The following DCC variants were observed in gnomAD, a reference collection of about 807,000 sequenced individuals.
DCC encodes the protein netrin receptor DCC.
In DCC, 58 loss-of-function variants were observed where a neutral mutation model predicts 172.5. That is an observed-to-expected ratio of 0.34 (90% CI 0.27 to 0.42). The LOEUF (loss-of-function observed/expected upper bound fraction) is 0.42. Ranked by LOEUF, DCC falls within the 10% of genes least tolerant of loss-of-function variation. The pLI, the probability that DCC is intolerant of heterozygous loss-of-function variation, is 1.00. For synonymous variants in DCC, 709 were observed against 644.5 expected (o/e 1.10, Z -1.52); for missense variants, 1,740 against 1,791.0 (o/e 0.97, Z 0.51).
chr18:52,811,670 G>T (rs143715526), intron 2 of DCC, among the ~76,000 whole-genome samples: 6 of 152,042 alleles, frequency 3.9e-5, no homozygotes, highest in African/African-American at 1.4e-4. Flanking sequence ...AACATAAAAA[G>T]AATTGATATT....
intron 1 of DCC, among the ~76,000 whole-genome samples, chr18:52,564,267 T>G (rs1204970982): frequency 1.3e-5 from 2 of 152,136 alleles, no homozygotes; most frequent in Non-Finnish European, 2.9e-5. Flanking sequence ...ATGTGCATAT[T>G]ATTTGCTTTA....
At chr18:52,382,024 T>C (rs920203374) in intron 1 of DCC, among the ~76,000 whole-genome samples, 3 of 152,128 alleles carry the variant, frequency 2.0e-5, no homozygotes, top group Non-Finnish European at 4.4e-5. Flanking sequence ...TCACATATCT[T>C]TGGATGAGGA....
intron 2 of DCC, among the ~76,000 whole-genome samples, chr18:52,842,937 A>C (rs1220743478): frequency 6.6e-6 from 1 of 152,306 alleles, no homozygotes; most frequent in South Asian, 2.1e-4. Context: ...AAGAGAAGCA[A>C]GTTCGGAGAA....
intron 2 of DCC, among the ~76,000 whole-genome samples, chr18:52,768,160 T>C (rs552224863): frequency 6.6e-6 from 1 of 152,234 alleles, no homozygotes; most frequent in Non-Finnish European, 1.5e-5. Context: ...ACATTTTCAT[T>C]GTAAACTCTA....
At chr18:52,520,347 C>A (rs191482002) in intron 1 of DCC, among the ~76,000 whole-genome samples, 1 of 152,212 alleles carries the variant, frequency 6.6e-6, no homozygotes, top group Admixed American at 6.5e-5. Flanking sequence ...CTGCTATAAT[C>A]AGTAAATCCA....
At chr18:52,989,121 T>C (rs563578196) in intron 5 of DCC, among the ~76,000 whole-genome samples, 5 of 152,116 alleles carry the variant, frequency 3.3e-5, no homozygotes, top group Non-Finnish European at 7.4e-5. Flanking sequence ...AGAGAATAGT[T>C]TAATTCATAC....
At chr18:52,515,726 A>G (rs2031616762) in intron 1 of DCC, among the ~76,000 whole-genome samples, 2 of 150,884 alleles carry the variant, frequency 1.3e-5, no homozygotes, top group Non-Finnish European at 3.0e-5. Context: ...AGAACAATGC[A>G]TAAAAGGAAA....
At chr18:52,495,610 A>G (rs908497792) in intron 1 of DCC, among the ~76,000 whole-genome samples, 2 of 152,010 alleles carry the variant, frequency 1.3e-5, no homozygotes, top group Non-Finnish European at 2.9e-5. Context: ...TATATAGGCT[A>G]CTCCATCTTG....
chr18:52,392,282 A>T (rs1986058098), intron 1 of DCC, among the ~76,000 whole-genome samples: 1 of 152,088 alleles, frequency 6.6e-6, no homozygotes, highest in Non-Finnish European at 1.5e-5. Flanking sequence ...AATAACAGAA[A>T]ATCCTCTATC....
At chr18:53,158,320 A>G (rs2054780150) in intron 8 of DCC, among the ~76,000 whole-genome samples, 1 of 152,172 alleles carries the variant, frequency 6.6e-6, no homozygotes, top group South Asian at 2.1e-4. Context: ...ATTACAATCC[A>G]TTGCATTTTT....
chr18:52,521,123 T>C (rs1262867222), intron 1 of DCC, among the ~76,000 whole-genome samples: 1 of 152,192 alleles, frequency 6.6e-6, no homozygotes, highest in East Asian at 1.9e-4. Context: ...TTTGCATGTG[T>C]ACATTCAGAC....
At chr18:53,035,630 A>G (rs779480701) in intron 5 of DCC, among the ~76,000 whole-genome samples, 30 of 152,156 alleles carry the variant, frequency 2.0e-4, no homozygotes, top group Non-Finnish European at 3.8e-4. Context: ...CTTAAAGAGG[A>G]ACATTATAGC....
At chr18:53,440,208 C>T (rs1449556951) in intron 22 of DCC, among the ~76,000 whole-genome samples, 1 of 152,176 alleles carries the variant, frequency 6.6e-6, no homozygotes, top group Non-Finnish European at 1.5e-5. Context: ...ACATAATCCT[C>T]CCTTTCTGAT....
intron 3 of DCC, among the ~76,000 whole-genome samples, chr18:52,906,800 T>C (rs574350135): frequency 6.6e-6 from 1 of 151,968 alleles, no homozygotes; most frequent in South Asian, 2.1e-4. Context: ...CATATATCTA[T>C]AGTTCAATAT....
At chr18:52,436,679 G>T (rs1029411020) in intron 1 of DCC, among the ~76,000 whole-genome samples, 1 of 152,196 alleles carries the variant, frequency 6.6e-6, no homozygotes, top group Non-Finnish European at 1.5e-5. Flanking sequence ...AGGCTGAGGT[G>T]GGTGGATCAC....
intron 12 of DCC, among the ~76,000 whole-genome samples, chr18:53,269,500 A>C (rs1186076000): frequency 6.6e-6 from 1 of 152,154 alleles, no homozygotes; most frequent in Admixed American, 6.5e-5. Context: ...GGGGAAAATT[A>C]TTCTCCTGCA....
At chr18:53,255,810 C>T (rs1398308587) in intron 12 of DCC, among the ~76,000 whole-genome samples, 3 of 152,162 alleles carry the variant, frequency 2.0e-5, no homozygotes, top group African/African-American at 7.2e-5. Flanking sequence ...AATGGTTGAA[C>T]TAGTTTACAG....
At chr18:52,497,276 A>ATAT (rs2030805707) in intron 1 of DCC, among the ~76,000 whole-genome samples, 1 of 73,034 alleles carries the variant, frequency 1.4e-5, no homozygotes, top group African/African-American at 5.6e-5. Context: ...AAAAAAAAAA[A>ATAT]AAAAATATAT....
intron 15 of DCC, among the ~76,000 whole-genome samples, chr18:53,377,352 T>TGAGAGAGAGA (rs59629030): frequency 0.095 from 12,966 of 136,670 alleles, 791 homozygotes; most frequent in Admixed American, 0.17. Flanking sequence ...AAGATGCATT[T>TGAGAGAGAGA]GAGAGAGAGA....
Sources: gnomAD v4.1 joint callset for allele counts (sites outside exome capture counted in the v4.1 genomes callset) on GRCh38, gnomAD v4.1.1 for gene constraint, MANE v1.5 for transcripts, NCBI Gene and HGNC (gene_info 2026-07-23, HGNC 2026-07-21) for gene names.